CLVS1: variants seen among roughly 807,000 people sequenced by gnomAD.
CLVS1 encodes the protein clavesin 1, also known as clavesin-1.
Under a neutral mutation model 33.1 loss-of-function variants are expected in CLVS1, and 10 were observed. That is an observed-to-expected ratio of 0.30 (90% CI 0.19 to 0.51). The LOEUF (loss-of-function observed/expected upper bound fraction) is 0.51, where lower values mean the gene tolerates loss of function less well. Among genes scored for constraint, CLVS1 ranks in the 20% least tolerant of loss-of-function variants. CLVS1 has a pLI of 0.97. For missense variants in CLVS1, 343 were observed against 433.4 expected, an observed-to-expected ratio of 0.79 and a Z score of 1.85; for synonymous variants, 163 against 166.1, an observed-to-expected ratio of 0.98 and a Z score of 0.14.
intron 5 of CLVS1, among the ~76,000 whole-genome samples, chr8:61,459,081 C>T (rs1433873912): frequency 9.9e-5 from 15 of 151,950 alleles, no homozygotes; most frequent in Admixed American, 2.6e-4. Flanking sequence ...GACCAGCAAC[C>T]GAGGCTTGGG....
At position 61,072,985 on chromosome 8, in the gene CLVS1, C is replaced by T. The variant is rs556930607; in HGVS notation, c.-243+15755C>T. Among the ~76,000 whole-genome samples the T allele has an allele frequency of 9.2e-5, 14 of 152,038 alleles. No homozygotes were observed. The South Asian group carries it at 1.0e-3, about 11-fold the overall frequency. On this transcript the variant is annotated intron_variant, in intron 1 of 2. Transcript: ENST00000522621. ...TCCTCTGTTCATCATATTATATTAC[C>T]AGTAGTTTTAACACTTTCTCTGGGT...
intron 2 of CLVS1, among the ~76,000 whole-genome samples, chr8:61,339,459 A>G (rs1811932927): frequency 6.6e-6 from 1 of 152,144 alleles, no homozygotes; most frequent in African/African-American, 2.4e-5. Context: ...CAGCTGTGAG[A>G]GGCATGCAAG....
chr8:61,123,295 T>A lies in CLVS1; in HGVS notation c.-242-8475T>A, dbSNP rs937984840. The stretch of plus-strand genomic sequence containing the variant: ...AAAATAATAATAATAATAATAATAA[T>A]AAAAGTCTCATAGTTTATATCTCCC... On this transcript the variant is annotated intron_variant, in intron 1 of 2. Transcript: ENST00000522621. Among the ~76,000 whole-genome samples the A allele has an allele frequency of 1.9e-5, 2 of 103,350 alleles. 1 individual carries two copies. Among genetic ancestry groups the A allele is most frequent in the Non-Finnish European group, 4.4e-5 (2 of 45,944 alleles). The allele number at this position is 103,350 out of a possible 152,430, so 67.8% of individuals were successfully genotyped here. A position where few individuals can be genotyped will look rare whatever the true frequency, so the allele number is the denominator to read the frequency against.
At chr8:61,269,501 C>T (rs1409038870) in intron 2 of CLVS1, among the ~76,000 whole-genome samples, 1 of 152,084 alleles carries the variant, frequency 6.6e-6, no homozygotes, top group African/African-American at 2.4e-5. Context: ...GCGATGCGGA[C>T]TCTTTTTTGG....
At chr8:61,400,002 T>A (rs1026394245) in intron 3 of CLVS1, among the ~76,000 whole-genome samples, 5 of 152,192 alleles carry the variant, frequency 3.3e-5, no homozygotes, top group Admixed American at 6.5e-5. Context: ...TGCTTAGGAT[T>A]GTCTTGGCTA....
At chr8:61,198,235 G>T (rs1297150193) in intron 2 of CLVS1, among the ~76,000 whole-genome samples, 3 of 152,140 alleles carry the variant, frequency 2.0e-5, no homozygotes, top group Non-Finnish European at 2.9e-5. Flanking sequence ...GCTCTTGAAA[G>T]TCCCTTCCTT....
the CLVS1 span, among the ~76,000 whole-genome samples, chr8:61,001,139 T>C: frequency 6.6e-6 from 1 of 152,156 alleles, no homozygotes. Flanking sequence ...GCTGTTTCCA[T>C]TTCATTGTAT....
intron 2 of CLVS1, among the ~76,000 whole-genome samples, chr8:61,207,553 G>A (rs1807881267): frequency 6.6e-6 from 1 of 152,154 alleles, no homozygotes; most frequent in Non-Finnish European, 1.5e-5. Flanking sequence ...ACATTCTTGT[G>A]ACCAATATAT....
At chr8:61,007,821 G>A in the CLVS1 span, among the ~76,000 whole-genome samples, 3 of 152,182 alleles carry the variant, frequency 2.0e-5, no homozygotes, top group Non-Finnish European at 2.9e-5. Flanking sequence ...TACAGACAAC[G>A]GAAGGGGGAG....
chr8:61,002,133 C>T, the CLVS1 span, among the ~76,000 whole-genome samples: 3 of 151,878 alleles, frequency 2.0e-5, no homozygotes, highest in East Asian at 3.9e-4. Flanking sequence ...CATATGTTAC[C>T]ATGCCTGGCT....
At chr8:60,973,680 G>T in the CLVS1 span, among the ~76,000 whole-genome samples, 1 of 152,170 alleles carries the variant, frequency 6.6e-6, no homozygotes, top group African/African-American at 2.4e-5. Flanking sequence ...TTATATGTTG[G>T]CATGCTTCTG....
At chr8:61,095,037 T>C (rs1170875208) in intron 1 of CLVS1, among the ~76,000 whole-genome samples, 1 of 152,244 alleles carries the variant, frequency 6.6e-6, no homozygotes, top group East Asian at 1.9e-4. Context: ...TTTAGTAATA[T>C]ATTTAGGCAT....
chr8:61,320,726 T>C (rs1811164803), intron 2 of CLVS1, among the ~76,000 whole-genome samples: 1 of 152,198 alleles, frequency 6.6e-6, no homozygotes, highest in African/African-American at 2.4e-5. Flanking sequence ...AGGGCCTCTT[T>C]TATAAGGGCA....
intron 2 of CLVS1, among the ~76,000 whole-genome samples, chr8:61,262,223 C>T (rs892524733): frequency 5.9e-5 from 9 of 152,006 alleles, no homozygotes; most frequent in Admixed American, 2.0e-4. Context: ...ACTGTGTTGC[C>T]CAGGCTGCTC....
chr8:61,163,807 G>A (rs370529934), intron 2 of CLVS1, among the ~76,000 whole-genome samples: 11 of 152,316 alleles, frequency 7.2e-5, no homozygotes, highest in South Asian at 4.1e-4. Flanking sequence ...ACCAATGGGC[G>A]CCTTGCTGGA....
chr8:61,159,896 T>C (rs959745933), intron 2 of CLVS1, among the ~76,000 whole-genome samples: 1 of 152,154 alleles, frequency 6.6e-6, no homozygotes, highest in Non-Finnish European at 1.5e-5. Context: ...GAATTCAGAG[T>C]GGTTAGAATC....
chr8:61,428,926 A>G (rs1816002615), intron 3 of CLVS1, among the ~76,000 whole-genome samples: 1 of 152,216 alleles, frequency 6.6e-6, no homozygotes, highest in Non-Finnish European at 1.5e-5. Context: ...ACATACACAT[A>G]TTAAGTATAT....
chr8:61,461,185 T>A (rs1817353086), intron 5 of CLVS1, among the ~76,000 whole-genome samples: 1 of 152,214 alleles, frequency 6.6e-6, no homozygotes, highest in Non-Finnish European at 1.5e-5. Flanking sequence ...TGAATTGATG[T>A]CCACAACTGA....
rs116763939 is a variant in CLVS1 at position 61,348,973 on chromosome 8, G to A, written c.456-27632G>A. On this transcript the variant is annotated intron_variant, in intron 2 of 5. Coordinates refer to ENST00000325897, the MANE Select transcript of CLVS1 (RefSeq NM_173519.3). ...TTAATTTTTATTTCCCTGATGATTA[G>A]TGATGTTGAGCACCTTTTCATGTAT... 5.8e-3 allele frequency among the ~76,000 whole-genome samples: 886 copies of A among 152,190 alleles called. 12 individuals carry two copies. The highest frequency in any genetic ancestry group is 0.019 in the African/African-American group (806 of 41,534).
Sources: gnomAD v4.1 joint callset for allele counts (sites outside exome capture counted in the v4.1 genomes callset) on GRCh38, gnomAD v4.1.1 for gene constraint, MANE v1.5 for transcripts, NCBI Gene and HGNC (gene_info 2026-07-23, HGNC 2026-07-21) for gene names.